The following CDH13 variants were observed in gnomAD, a reference collection of about 807,000 sequenced individuals.
CDH13 encodes the protein cadherin-13.
In CDH13, 24 loss-of-function variants were observed where a neutral mutation model predicts 63.8. That is an observed-to-expected ratio of 0.38 (90% CI 0.27 to 0.53). CDH13 has a LOEUF of 0.53. Among genes scored for constraint, CDH13 ranks in the 20% least tolerant of loss-of-function variants. CDH13 has a pLI of 0.85. For synonymous variants in CDH13, 503 were observed against 355.3 expected (o/e 1.42, Z -4.67); for missense variants, 1,049 against 903.1 (o/e 1.16, Z -2.07).
chr16:82,853,727 C>T (rs1430419676), intron 1 of CDH13, among the ~76,000 whole-genome samples: 2 of 152,152 alleles, frequency 1.3e-5, no homozygotes, highest in Non-Finnish European at 2.9e-5. Context: ...GCTGTGCTTT[C>T]AAAGGTGTCT....
chr16:82,998,945 C>G (rs72794133), intron 2 of CDH13, among the ~76,000 whole-genome samples: 24,815 of 146,382 alleles, frequency 0.17, 2,514 homozygotes, highest in African/African-American at 0.28. Flanking sequence ...AGCTTTCATT[C>G]TCTGCCGCTG....
intron 2 of CDH13, among the ~76,000 whole-genome samples, chr16:82,886,368 G>T (rs547637053): frequency 3.3e-5 from 5 of 152,164 alleles, no homozygotes; most frequent in Non-Finnish European, 7.4e-5. Flanking sequence ...TTGATGGCCA[G>T]GTTTTCTGCA....
At chr16:83,541,204 C>T (rs1406119669) in intron 7 of CDH13, among the ~76,000 whole-genome samples, 1 of 152,146 alleles carries the variant, frequency 6.6e-6, no homozygotes, top group Non-Finnish European at 1.5e-5. Flanking sequence ...AACCCTGCTG[C>T]CTGTTGAGTA....
At chr16:83,732,552 G>C (rs940756209) in intron 10 of CDH13, among the ~76,000 whole-genome samples, 2 of 152,178 alleles carry the variant, frequency 1.3e-5, no homozygotes, top group Admixed American at 1.3e-4. Flanking sequence ...GGAAACTGTA[G>C]TAGGGTTCTG....
intron 7 of CDH13, among the ~76,000 whole-genome samples, chr16:83,528,542 C>T (rs1396533183): frequency 6.6e-6 from 1 of 152,046 alleles, no homozygotes; most frequent in South Asian, 2.1e-4. Flanking sequence ...CTTGGGAGGG[C>T]ACTTATCTTC....
chr16:82,733,798 C>T (rs1567478330), intron 1 of CDH13, among the ~76,000 whole-genome samples: 1 of 152,216 alleles, frequency 6.6e-6, no homozygotes, highest in African/African-American at 2.4e-5. Context: ...CACTACTTAA[C>T]ACAAAACAAA....
At chr16:83,307,546 AG>A (rs1477021037) in intron 5 of CDH13, among the ~76,000 whole-genome samples, 1 of 152,214 alleles carries the variant, frequency 6.6e-6, no homozygotes, top group Non-Finnish European at 1.5e-5. Flanking sequence ...CAAATCCTTC[AG>A]GGCCAGGAAA....
chr16:83,311,537 T>C (rs2090001061), intron 5 of CDH13, among the ~76,000 whole-genome samples: 1 of 152,178 alleles, frequency 6.6e-6, no homozygotes. Context: ...TATTCACAAA[T>C]GCATATGCTA....
intron 1 of CDH13, among the ~76,000 whole-genome samples, chr16:82,851,204 G>A (rs1032781307): frequency 1.3e-5 from 2 of 152,096 alleles, no homozygotes; most frequent in Non-Finnish European, 2.9e-5. Context: ...GGGAGGCTGA[G>A]GCGGGCGAAT....
At chr16:83,184,724 C>T (rs1335582706) in intron 4 of CDH13, among the ~76,000 whole-genome samples, 4 of 152,136 alleles carry the variant, frequency 2.6e-5, no homozygotes, top group African/African-American at 9.7e-5. Flanking sequence ...CATTGCACTC[C>T]AGCCTGAGCA....
rs115205758 is a variant in CDH13, at chr16:82,727,139, T to A, written c.45+100002T>A. 2.5e-3 allele frequency among the ~76,000 whole-genome samples: 379 copies of A among 151,904 alleles called. 5 individuals carry two copies. Among genetic ancestry groups the A allele is most frequent in the Non-Finnish European group, 3.6e-3 (243 of 67,932 alleles). On this transcript the variant is annotated intron_variant, in intron 1 of 13. Coordinates refer to ENST00000567109, the MANE Select transcript of CDH13 (RefSeq NM_001257.5). ...ATGCGCAGGTGGTATAGGGAAGGAGTGGCAAATCAAATGACAGCAACAGAG... is the reference window on the plus strand; with the variant it reads ...ATGCGCAGGTGGTATAGGGAAGGAGAGGCAAATCAAATGACAGCAACAGAG...
intron 2 of CDH13, among the ~76,000 whole-genome samples, chr16:82,973,844 C>A (rs16958988): frequency 1.7e-4 from 26 of 152,146 alleles, no homozygotes; most frequent in African/African-American, 6.3e-4. Flanking sequence ...GTTTTGTACT[C>A]AGCTGTTTCA....
chr16:83,100,543 T>G (rs2034425605), intron 3 of CDH13, among the ~76,000 whole-genome samples: 2 of 152,236 alleles, frequency 1.3e-5, no homozygotes, highest in Admixed American at 1.3e-4. Flanking sequence ...GAAGCTGAAC[T>G]CTATTTGTGC....
rs184665338 is a variant in CDH13, at chr16:82,652,488, A to G, written c.45+25351A>G. On this transcript the variant is annotated intron_variant, in intron 1 of 13. Coordinates refer to ENST00000567109, the MANE Select transcript of CDH13 (RefSeq NM_001257.5). ...AGGTGGTTGCTGTCACTGCACCAGC[A>G]GCTTTTGAAGTTTGCTCAGTGATAT... Among the ~76,000 whole-genome samples, 26 of 152,348 alleles carry G rather than the reference A, an allele frequency of 1.7e-4. No individual in the cohort carries two copies. In the East Asian group the frequency reaches 5.0e-3, roughly 29 times the overall value.
intron 6 of CDH13, among the ~76,000 whole-genome samples, chr16:83,380,514 GA>G (rs932428863): frequency 1.3e-5 from 2 of 151,106 alleles, no homozygotes; most frequent in East Asian, 1.9e-4. Flanking sequence ...GCATGTAAAA[GA>G]AAAAAAAATC....
intron 10 of CDH13, among the ~76,000 whole-genome samples, chr16:83,694,251 C>T (rs1407789562): frequency 6.6e-6 from 1 of 152,158 alleles, no homozygotes; most frequent in Non-Finnish European, 1.5e-5. Flanking sequence ...ATGAACATGA[C>T]CTGTGTTCAC....
intron 5 of CDH13, among the ~76,000 whole-genome samples, chr16:83,278,281 A>T (rs867577722): frequency 1.4e-4 from 22 of 152,182 alleles, no homozygotes; most frequent in Admixed American, 2.6e-4. Flanking sequence ...CTTAAACCAG[A>T]TCCAGCTTAA....
chr16:83,330,227 A>G (rs981042779), intron 5 of CDH13, among the ~76,000 whole-genome samples: 1 of 152,262 alleles, frequency 6.6e-6, no homozygotes, highest in Non-Finnish European at 1.5e-5. Context: ...ACATGCACAC[A>G]CACAGGTGCA....
At chr16:83,009,803 A>T (rs1442379794) in intron 2 of CDH13, among the ~76,000 whole-genome samples, 1 of 152,186 alleles carries the variant, frequency 6.6e-6, no homozygotes, top group Admixed American at 6.5e-5. Context: ...GCATGAACAA[A>T]TACAGACTGC....
Sources: allele counts gnomAD v4.1 joint callset (sites outside exome capture counted in the v4.1 genomes callset), GRCh38; gene constraint gnomAD v4.1.1; transcripts MANE v1.5; gene names NCBI Gene and HGNC (gene_info 2026-07-23, HGNC 2026-07-21).